The following MAGI1 variants were observed in gnomAD, a reference collection of about 807,000 sequenced individuals.
MAGI1 encodes the protein membrane-associated guanylate kinase, WW and PDZ domain-containing protein 1.
A neutral mutation model predicts 139.9 loss-of-function variants in MAGI1; 58 were observed. The ratio of observed to expected loss-of-function variants is 0.41; its 90% CI spans 0.34 to 0.52. MAGI1 has a LOEUF of 0.52. MAGI1 is among the 20% of genes least tolerant of loss of function. MAGI1 has a pLI of 0.12. For missense variants in MAGI1, 1,874 were observed against 1,901.6 expected, an observed-to-expected ratio of 0.99 and a Z score of 0.27; for synonymous variants, 812 against 737.9, an observed-to-expected ratio of 1.10 and a Z score of -1.63.
chr3:65,372,804 T>C (rs750213714), intron 18 of MAGI1, among the ~76,000 whole-genome samples: 3 of 152,252 alleles, frequency 2.0e-5, no homozygotes, highest in Non-Finnish European at 4.4e-5. Flanking sequence ...TTAAATCTCA[T>C]GCACCAACCT....
chr3:65,523,254 G>A (rs1037323327), intron 2 of MAGI1, among the ~76,000 whole-genome samples: 2 of 152,072 alleles, frequency 1.3e-5, no homozygotes, highest in African/African-American at 4.8e-5. Context: ...TATCTCAAGA[G>A]TAGAAAACTC....
Position 65,576,418 on chromosome 3 carries a change from T to C in MAGI1, c.430+45554A>G, listed in dbSNP as rs2081181354. On this transcript the variant is annotated intron_variant, in intron 2 of 22. Transcript: ENST00000402939. ...ACAATGCTAATCAATCCCCGCACTC[T>C]TCCTCTCTGAGCCTGAATAAAAGAT... Among the ~76,000 whole-genome samples the C allele has an allele frequency of 2.0e-5, 3 of 152,190 alleles. No individual in the cohort carries two copies. The South Asian group carries it at 6.2e-4, about 32-fold the overall frequency.
At chr3:65,508,205 C>A (rs2077384974) in intron 2 of MAGI1, among the ~76,000 whole-genome samples, 1 of 152,062 alleles carries the variant, frequency 6.6e-6, no homozygotes. Flanking sequence ...AGATCAACAC[C>A]ATCCTGGCTA....
At chr3:65,707,966 T>C (rs1202989489) in intron 1 of MAGI1, among the ~76,000 whole-genome samples, 2 of 152,138 alleles carry the variant, frequency 1.3e-5, no homozygotes, top group Non-Finnish European at 2.9e-5. Flanking sequence ...ATAGAAAGAA[T>C]GAGGTAATAT....
At chr3:65,502,260 A>T (rs2077110704) in intron 2 of MAGI1, among the ~76,000 whole-genome samples, 1 of 152,224 alleles carries the variant, frequency 6.6e-6, no homozygotes, top group Non-Finnish European at 1.5e-5. Context: ...CACAAAAATA[A>T]AGCCATTTTG....
At chr3:65,931,279 C>T (rs531565230) in intron 1 of MAGI1, among the ~76,000 whole-genome samples, 3 of 152,274 alleles carry the variant, frequency 2.0e-5, no homozygotes, top group Admixed American at 6.5e-5. Context: ...GTGATCCACC[C>T]GCCTCAGCCT....
At chr3:65,522,639 T>C (rs2078213936) in intron 2 of MAGI1, among the ~76,000 whole-genome samples, 1 of 152,214 alleles carries the variant, frequency 6.6e-6, no homozygotes. Context: ...TTTTGAAAGT[T>C]TCTTTATGAC....
At chr3:65,548,511 C>CTTTTTTTTTTTTTTTTTTTT (rs1170215972) in intron 2 of MAGI1, among the ~76,000 whole-genome samples, 16 of 87,386 alleles carry the variant, frequency 1.8e-4, no homozygotes, top group South Asian at 4.1e-4. Context: ...AAACAACACT[C>CTTTTTTTTTTTTTTTTTTTT]TTTTTTTTTT....
intron 2 of MAGI1, among the ~76,000 whole-genome samples, chr3:65,601,760 G>C (rs2082493410): frequency 6.6e-6 from 1 of 151,880 alleles, no homozygotes; most frequent in Non-Finnish European, 1.5e-5. Flanking sequence ...ACAGATTAGA[G>C]TGTATTAAAA....
intron 2 of MAGI1, among the ~76,000 whole-genome samples, chr3:65,594,526 T>TG (rs2082099351): frequency 6.6e-6 from 1 of 152,198 alleles, no homozygotes; most frequent in Non-Finnish European, 1.5e-5. Context: ...TCAGCAGAGT[T>TG]ACTGAATTAA....
At chr3:65,387,186 C>T in intron 14 of MAGI1, 1 of 1,614,164 alleles carries the variant, frequency 6.2e-7, no homozygotes, top group Non-Finnish European at 8.5e-7. Context: ...CTCTCTCTCT[C>T]TCACCCTTGC....
At chr3:65,785,738 T>C (rs2039323994) in intron 1 of MAGI1, among the ~76,000 whole-genome samples, 1 of 152,188 alleles carries the variant, frequency 6.6e-6, no homozygotes, top group Non-Finnish European at 1.5e-5. Context: ...AATCAACATT[T>C]CTTAAATTTC....
At chr3:65,902,734 T>A (rs2061284346) in intron 1 of MAGI1, 1 of 152,476 alleles carries the variant, frequency 6.6e-6, no homozygotes, top group South Asian at 2.1e-4. Flanking sequence ...ATGCTCCCCA[T>A]CAGGGAGCAG....
intron 17 of MAGI1, among the ~76,000 whole-genome samples, chr3:65,376,437 C>G (rs904783681): frequency 6.6e-6 from 1 of 152,194 alleles, no homozygotes; most frequent in Non-Finnish European, 1.5e-5. Flanking sequence ...CACTGGGCAT[C>G]TGGTGAGGCA....
intron 2 of MAGI1, among the ~76,000 whole-genome samples, chr3:65,539,956 G>C (rs1167138115): frequency 2.6e-5 from 4 of 152,164 alleles, no homozygotes; most frequent in South Asian, 4.2e-4. Flanking sequence ...GATCAGCTCT[G>C]CCACTTACTA....
intron 1 of MAGI1, among the ~76,000 whole-genome samples, chr3:65,642,901 G>A (rs2085059333): frequency 6.6e-6 from 1 of 152,204 alleles, no homozygotes; most frequent in African/African-American, 2.4e-5. Flanking sequence ...CAAAATGAGG[G>A]TCTAATGTTT....
chr3:65,601,058 C>T (rs925924950), intron 2 of MAGI1, among the ~76,000 whole-genome samples: 1 of 152,174 alleles, frequency 6.6e-6, no homozygotes, highest in Non-Finnish European at 1.5e-5. Context: ...GTACTTAGAT[C>T]TGAGTTCCCG....
rs143229929 is a variant in MAGI1, at chr3:65,617,986, C to G, written c.430+3986G>C. 4.9e-3 allele frequency among the ~76,000 whole-genome samples: 753 copies of G among 152,166 alleles called. 10 individuals are homozygous for G. Among genetic ancestry groups the G allele is most frequent in the African/African-American group, 0.017 (704 of 41,528 alleles). On this transcript the variant is annotated intron_variant, in intron 2 of 22. Coordinates refer to ENST00000402939, the MANE Select transcript of MAGI1 (RefSeq NM_001033057.2). ...CACAAAACAGGCATGAAGGAGGTCACGGAGTGCAGCTTGGGGAGTAGGGGG... is the reference window on the plus strand; with the variant it reads ...CACAAAACAGGCATGAAGGAGGTCAGGGAGTGCAGCTTGGGGAGTAGGGGG...
intron 1 of MAGI1, among the ~76,000 whole-genome samples, chr3:65,738,760 T>G (rs531422764): frequency 6.6e-6 from 1 of 152,178 alleles, no homozygotes; most frequent in African/African-American, 2.4e-5. Context: ...AACAATACAT[T>G]GAAAGGAATC....
Sources: allele counts gnomAD v4.1 joint callset (sites outside exome capture counted in the v4.1 genomes callset), GRCh38; gene constraint gnomAD v4.1.1; transcripts MANE v1.5; gene names NCBI Gene and HGNC (gene_info 2026-07-23, HGNC 2026-07-21).